The following SYN3 variants were observed in gnomAD, a reference collection of about 807,000 sequenced individuals.
The protein encoded by SYN3 is synapsin-3.
SYN3 carries 35 observed loss-of-function variants against 65.8 expected under a neutral mutation model. The ratio of observed to expected loss-of-function variants is 0.53; its 90% confidence interval spans 0.41 to 0.70. SYN3 has a LOEUF of 0.70. Ranked by LOEUF, SYN3 falls within the 30% of genes least tolerant of loss-of-function variation. SYN3 has a pLI of 0.00. For missense variants in SYN3, 680 were observed against 749.0 expected, an observed-to-expected ratio of 0.91 and a Z score of 1.08; for synonymous variants, 270 against 292.9, an observed-to-expected ratio of 0.92 and a Z score of 0.80.
intron 1 of SYN3, among the ~76,000 whole-genome samples, chr22:33,015,999 C>A (rs558942748): frequency 1.3e-5 from 2 of 152,010 alleles, no homozygotes; most frequent in South Asian, 2.1e-4. Flanking sequence ...CCCGCCACCA[C>A]GCCCAGCTAA....
At chr22:32,825,261 C>T (rs969385890) in intron 6 of SYN3, among the ~76,000 whole-genome samples, 4 of 152,016 alleles carry the variant, frequency 2.6e-5, no homozygotes, top group Non-Finnish European at 4.4e-5. Flanking sequence ...TGATGGCTGG[C>T]GGAAGATCTG....
intron 6 of SYN3, among the ~76,000 whole-genome samples, chr22:32,722,642 G>A (rs752493071): frequency 1.4e-4 from 22 of 152,304 alleles, no homozygotes; most frequent in African/African-American, 2.2e-4. Flanking sequence ...GGCTCCACCC[G>A]TACCCAGATG....
chr22:32,758,920 A>G (rs917821774), intron 6 of SYN3, among the ~76,000 whole-genome samples: 1 of 151,240 alleles, frequency 6.6e-6, no homozygotes, highest in Non-Finnish European at 1.5e-5. Flanking sequence ...CCCCCTGACT[A>G]TCTGCCCATA....
At chr22:32,857,562 C>G (rs1173175700) in intron 6 of SYN3, among the ~76,000 whole-genome samples, 1 of 152,204 alleles carries the variant, frequency 6.6e-6, no homozygotes, top group African/African-American at 2.4e-5. Context: ...TTAGCTCCAC[C>G]ACTCACCTGG....
chr22:32,880,983 G>A (rs943330741), intron 4 of SYN3, among the ~76,000 whole-genome samples: 8 of 152,182 alleles, frequency 5.3e-5, no homozygotes, highest in African/African-American at 1.9e-4. Context: ...GCATGTCGCC[G>A]GGAGGCAGAG....
At chr22:32,921,406 C>A (rs1202404931) in intron 4 of SYN3, among the ~76,000 whole-genome samples, 1 of 152,152 alleles carries the variant, frequency 6.6e-6, no homozygotes, top group Non-Finnish European at 1.5e-5. Context: ...CCATACTGTA[C>A]CCTGAATGAG....
intron 6 of SYN3, among the ~76,000 whole-genome samples, chr22:32,713,107 T>G (rs1033199849): frequency 1.3e-5 from 2 of 152,338 alleles, no homozygotes; most frequent in Middle Eastern, 3.4e-3. Flanking sequence ...TTGGTCATTA[T>G]TTATTGAATG....
intron 6 of SYN3, among the ~76,000 whole-genome samples, chr22:32,777,877 G>GT (rs1380896409): frequency 2.6e-5 from 4 of 152,268 alleles, no homozygotes; most frequent in East Asian, 1.9e-4. Flanking sequence ...TAATTGGCTA[G>GT]TTTTTTCTGA....
intron 6 of SYN3, among the ~76,000 whole-genome samples, chr22:32,609,860 A>G (rs1437900497): frequency 1.3e-5 from 2 of 152,158 alleles, no homozygotes; most frequent in Non-Finnish European, 2.9e-5. Flanking sequence ...CTGACCCACT[A>G]TAGCTGCAGA....
intron 6 of SYN3, among the ~76,000 whole-genome samples, chr22:32,646,953 C>A (rs1403625480): frequency 2.0e-5 from 3 of 152,122 alleles, no homozygotes; most frequent in African/African-American, 7.2e-5. Flanking sequence ...GGTTAAGAGA[C>A]AAGGGCTGGC....
At chr22:32,998,611 C>G (rs2052956494) in intron 2 of SYN3, among the ~76,000 whole-genome samples, 1 of 151,940 alleles carries the variant, frequency 6.6e-6, no homozygotes, top group Non-Finnish European at 1.5e-5. Context: ...GCTGCTCCCC[C>G]AACAGCCCTC....
At chr22:32,948,518 C>T (rs1358808982) in intron 3 of SYN3, among the ~76,000 whole-genome samples, 3 of 152,124 alleles carry the variant, frequency 2.0e-5, no homozygotes, top group Admixed American at 6.5e-5. Flanking sequence ...GGGCAGATCA[C>T]AAGGTCAGGA....
At chr22:32,749,421 C>T (rs888783590) in intron 6 of SYN3, among the ~76,000 whole-genome samples, 8 of 151,570 alleles carry the variant, frequency 5.3e-5, no homozygotes, top group African/African-American at 7.3e-5. Flanking sequence ...GCGGGTGAAT[C>T]GTGAGGTCAG....
intron 6 of SYN3, among the ~76,000 whole-genome samples, chr22:32,778,612 T>C (rs2045963074): frequency 6.6e-6 from 1 of 152,058 alleles, no homozygotes; most frequent in Non-Finnish European, 1.5e-5. Flanking sequence ...TTTTTTAATC[T>C]CCTGTTTCCA....
At chr22:32,556,803 G>GT (rs1491135400) in intron 7 of SYN3, among the ~76,000 whole-genome samples, 2,455 of 35,040 alleles carry the variant, frequency 0.07, 622 homozygotes, top group South Asian at 0.094. Context: ...TAGGTTTCCT[G>GT]GTTTTTTTTT....
chr22:32,602,468 T>C (rs2059299188), intron 6 of SYN3, among the ~76,000 whole-genome samples: 1 of 152,180 alleles, frequency 6.6e-6, no homozygotes, highest in Non-Finnish European at 1.5e-5. Flanking sequence ...GTTTGTTTGT[T>C]TGTTTGTTTT....
intron 4 of SYN3, among the ~76,000 whole-genome samples, chr22:32,886,026 G>A (rs241899): frequency 6.6e-6 from 1 of 152,056 alleles, no homozygotes; most frequent in African/African-American, 2.4e-5. Context: ...CATGAAAGAA[G>A]GCGGGCAACC....
In SYN3 at chr22:32,931,445, T is replaced by C. The variant is rs1225755512; in HGVS notation, c.406A>G (p.Thr136Ala). The C allele has an allele frequency of 1.2e-6, 2 of 1,614,014 alleles. No individual in the cohort carries two copies. Among genetic ancestry groups the C allele is most frequent in the East Asian group, 4.5e-5 (2 of 44,882 alleles). The stretch of plus-strand genomic sequence containing the variant: ...TGCATGTCCACCATGCAGCCCCCGG[T>C]CACATAGGCAGCTAGGTTCAACTCT... ...FSELNLAAYV[T>A]GGCMVDMQVV... Residue 136 changes from threonine (T) to alanine (A), a missense_variant, in exon 4 of 14, where the codon ACC becomes GCC. Transcript: ENST00000358763.
chr22:32,608,290 G>C (rs1305004006), intron 6 of SYN3, among the ~76,000 whole-genome samples: 1 of 152,140 alleles, frequency 6.6e-6, no homozygotes, highest in Non-Finnish European at 1.5e-5. Flanking sequence ...GAGTGGTCTC[G>C]AACTCCTGAC....
Sources: gnomAD v4.1 joint callset for allele counts (sites outside exome capture counted in the v4.1 genomes callset) on GRCh38, gnomAD v4.1.1 for gene constraint, MANE v1.5 for transcripts, NCBI Gene and HGNC (gene_info 2026-07-23, HGNC 2026-07-21) for gene names.